The following GLIS3 variants were observed in gnomAD, a reference collection of about 807,000 sequenced individuals.
GLIS3 encodes zinc finger protein GLIS3.
In GLIS3, 53 loss-of-function variants were observed where a neutral mutation model predicts 78.6. The observed-to-expected ratio is 0.67, with a 90% confidence interval of 0.54 to 0.85. GLIS3 has a LOEUF of 0.85. Ranked by LOEUF, GLIS3 falls within the 40% of genes least tolerant of loss-of-function variation. The pLI is 0.00. For missense variants in GLIS3, 1,703 were observed against 1,231.1 expected (o/e 1.38, Z -5.74); for synonymous variants, 684 against 509.9 (o/e 1.34, Z -4.60).
chr9:4,066,039 T>TA (rs398046406), intron 4 of GLIS3, among the ~76,000 whole-genome samples: 16,661 of 133,098 alleles, frequency 0.13, 2,167 homozygotes, highest in African/African-American at 0.32. Flanking sequence ...CCAAAGAATA[T>TA]AAAAAAAAAA....
chr9:4,452,093 G>A, the GLIS3 span, among the ~76,000 whole-genome samples: 2 of 152,056 alleles, frequency 1.3e-5, no homozygotes, highest in Non-Finnish European at 1.5e-5. Flanking sequence ...CTCAATAGAT[G>A]CAAATAAGGC....
At chr9:4,002,398 G>A (rs1821183028) in intron 4 of GLIS3, among the ~76,000 whole-genome samples, 1 of 152,184 alleles carries the variant, frequency 6.6e-6, no homozygotes, top group African/African-American at 2.4e-5. Context: ...CACTAAATGT[G>A]TGATAATTTG....
intron 2 of GLIS3, among the ~76,000 whole-genome samples, chr9:4,263,588 A>G (rs1012180738): frequency 6.6e-6 from 1 of 152,168 alleles, no homozygotes. Flanking sequence ...CAGATGTTTT[A>G]AAGTTTCTGT....
chr9:4,062,913 A>C (rs1250996595), intron 4 of GLIS3, among the ~76,000 whole-genome samples: 2 of 151,708 alleles, frequency 1.3e-5, no homozygotes, highest in Non-Finnish European at 2.9e-5. Flanking sequence ...TGGGTGACTG[A>C]GCGAGACTCC....
intron 6 of GLIS3, among the ~76,000 whole-genome samples, chr9:3,923,675 A>G (rs956590469): frequency 2.6e-5 from 4 of 152,190 alleles, no homozygotes; most frequent in African/African-American, 9.7e-5. Context: ...AAAGTCAGAA[A>G]GTTTAAGATT....
At chr9:4,261,603 G>A (rs1444911080) in intron 2 of GLIS3, among the ~76,000 whole-genome samples, 1 of 152,060 alleles carries the variant, frequency 6.6e-6, no homozygotes, top group African/African-American at 2.4e-5. Context: ...AACTCAAGAG[G>A]GTTACTCTAC....
intron 2 of GLIS3, among the ~76,000 whole-genome samples, chr9:4,282,410 C>G (rs2130300791): frequency 6.6e-6 from 1 of 152,324 alleles, no homozygotes; most frequent in South Asian, 2.1e-4. Context: ...GGGTGGTTCT[C>G]AGCCCATCAG....
intron 4 of GLIS3, among the ~76,000 whole-genome samples, chr9:4,106,873 G>C (rs1240322849): frequency 1.3e-5 from 2 of 152,138 alleles, no homozygotes; most frequent in African/African-American, 4.8e-5. Flanking sequence ...TCACGGCTTA[G>C]AAAGATGACG....
intron 2 of GLIS3, among the ~76,000 whole-genome samples, chr9:4,137,920 G>C (rs527543018): frequency 6.6e-6 from 1 of 152,330 alleles, no homozygotes; most frequent in East Asian, 1.9e-4. Flanking sequence ...AATCCCAGGG[G>C]AAGTAAGCAG....
intron 4 of GLIS3, among the ~76,000 whole-genome samples, chr9:4,098,936 C>T (rs553768141): frequency 2.0e-5 from 3 of 152,276 alleles, no homozygotes; most frequent in South Asian, 2.1e-4. Context: ...TCCCAATAGT[C>T]AGCTTCAGAA....
At chr9:4,356,317 C>A in the GLIS3 span, among the ~76,000 whole-genome samples, 7 of 152,172 alleles carry the variant, frequency 4.6e-5, no homozygotes, top group Admixed American at 4.6e-4. Context: ...CAGTGTCTTT[C>A]TTTTGCATCA....
At chr9:4,148,736 G>A (rs1485255898) in intron 2 of GLIS3, among the ~76,000 whole-genome samples, 1 of 152,048 alleles carries the variant, frequency 6.6e-6, no homozygotes, top group African/African-American at 2.4e-5. Context: ...GGTGGAGAGA[G>A]GGCTACAAGG....
At chr9:4,040,169 T>G (rs1033452861) in intron 4 of GLIS3, among the ~76,000 whole-genome samples, 3 of 152,138 alleles carry the variant, frequency 2.0e-5, no homozygotes, top group African/African-American at 7.2e-5. Context: ...GGTGGTGATT[T>G]TAATAAAAAT....
rs1815950874 is a variant in GLIS3, at chr9:3,941,911, TGATTAC to T, written c.1711-4728_1711-4723del. 5.3e-5 allele frequency among the ~76,000 whole-genome samples: 8 copies of T among 152,326 alleles called. No individual in the cohort carries two copies. The South Asian group carries it at 1.4e-3, about 28-fold the overall frequency. On this transcript the variant is annotated intron_variant, in intron 4 of 10. Transcript: ENST00000381971. ...TAATCACCATCTACATATATTGACT[TGATTAC>T]GATTGTTGACATTAAGTGGCATTAA...
rs1340855960 is a variant in GLIS3, at chr9:3,898,566, G to A, written c.2128+125C>T. The A allele has an allele frequency of 1.9e-6, 2 of 1,071,300 alleles. 1 individual carries two copies. Among genetic ancestry groups the A allele is most frequent in the Non-Finnish European group, 2.9e-6 (2 of 698,550 alleles). 66.4% of individuals were successfully genotyped at this position (1,071,300 alleles called of 1,614,324 possible). ...CAGAAGGGGTGGAGAGCAATTTGCAGCCCATTGATAAAGAACAACACAGAC... is the reference window on the plus strand; with the variant it reads ...CAGAAGGGGTGGAGAGCAATTTGCAACCCATTGATAAAGAACAACACAGAC... On this transcript the variant is annotated intron_variant, in intron 7 of 10. Transcript: ENST00000381971.
At chr9:3,887,512 G>C (rs1322282306) in intron 7 of GLIS3, among the ~76,000 whole-genome samples, 2 of 152,154 alleles carry the variant, frequency 1.3e-5, no homozygotes, top group African/African-American at 2.4e-5. Context: ...TTGATGTCTG[G>C]ACAGCTACAT....
intron 4 of GLIS3, among the ~76,000 whole-genome samples, chr9:4,101,090 A>T (rs570223993): frequency 6.6e-6 from 1 of 152,322 alleles, no homozygotes; most frequent in East Asian, 1.9e-4. Flanking sequence ...AGTACTGGCC[A>T]AGGAAACCAA....
the GLIS3 span, among the ~76,000 whole-genome samples, chr9:4,390,101 G>A: frequency 0.012 from 1,867 of 152,320 alleles, 40 homozygotes; most frequent in African/African-American, 0.043. Flanking sequence ...GACATTTGAG[G>A]TAGAGGGAAC....
In GLIS3 at chr9:3,829,392, C is replaced by T; in HGVS notation, c.2574G>A (p.Glu858=). 1 of 1,614,078 alleles carries T rather than the reference C, an allele frequency of 6.2e-7. No individual in the cohort carries two copies. ...VSSCSVVPSF[E]DCLVPTSMGQ... ...CCATGGATGTAGGGACTAGGCAGTC[C>T]TCAAACGAAGGCACCACACTGCAGG... Residue 858 remains glutamate, a synonymous_variant, in exon 10 of 11, where the codon GAG becomes GAA. Coordinates refer to ENST00000381971, the MANE Select transcript of GLIS3 (RefSeq NM_001042413.2).
Sources: gnomAD v4.1 joint callset for allele counts (sites outside exome capture counted in the v4.1 genomes callset) on GRCh38, gnomAD v4.1.1 for gene constraint, MANE v1.5 for transcripts, NCBI Gene and HGNC (gene_info 2026-07-23, HGNC 2026-07-21) for gene names.